CNTNAP5: variants seen among roughly 807,000 people sequenced by gnomAD.
The protein encoded by CNTNAP5 is contactin associated protein family member 5, also known as contactin-associated protein-like 5.
CNTNAP5 carries 72 observed loss-of-function variants against 150.2 expected under a neutral mutation model. The observed-to-expected ratio is 0.48, with a 90% CI of 0.40 to 0.58. The LOEUF (loss-of-function observed/expected upper bound fraction) is 0.58. CNTNAP5 is among the 20% of genes least tolerant of loss of function. CNTNAP5 has a pLI of 0.00. For missense variants in CNTNAP5, 1,636 were observed against 1,626.2 expected, an observed-to-expected ratio of 1.01 and a Z score of -0.10; for synonymous variants, 672 against 619.8, an observed-to-expected ratio of 1.08 and a Z score of -1.25.
chr2:124,185,670 T>C (rs968808583), intron 1 of CNTNAP5, among the ~76,000 whole-genome samples: 1 of 151,776 alleles, frequency 6.6e-6, no homozygotes, highest in Non-Finnish European at 1.5e-5. Context: ...GAAGAGCGTC[T>C]GTTTAAACTG....
intron 1 of CNTNAP5, among the ~76,000 whole-genome samples, chr2:124,082,953 T>C (rs779939589): frequency 9.2e-5 from 14 of 152,196 alleles, no homozygotes; most frequent in Non-Finnish European, 1.6e-4. Context: ...TGGTGAAATT[T>C]CTCTTTATGT....
intron 10 of CNTNAP5, among the ~76,000 whole-genome samples, chr2:124,538,271 G>A (rs950677907): frequency 6.6e-6 from 1 of 152,142 alleles, no homozygotes; most frequent in African/African-American, 2.4e-5. Flanking sequence ...TGGAGACCAG[G>A]AGTTTGAGAC....
At chr2:124,772,325 C>A (rs1055136342) in intron 16 of CNTNAP5, among the ~76,000 whole-genome samples, 1 of 152,166 alleles carries the variant, frequency 6.6e-6, no homozygotes, top group African/African-American at 2.4e-5. Context: ...GGCGATACAA[C>A]TTTCTGAGCT....
intron 3 of CNTNAP5, among the ~76,000 whole-genome samples, chr2:124,336,068 A>T (rs1471995369): frequency 1.3e-5 from 2 of 152,154 alleles, no homozygotes; most frequent in Non-Finnish European, 2.9e-5. Context: ...AACCTAGGCA[A>T]TTCTGAAGCG....
intron 19 of CNTNAP5, among the ~76,000 whole-genome samples, chr2:124,857,854 T>C (rs1677415469): frequency 6.6e-6 from 1 of 151,482 alleles, no homozygotes; most frequent in African/African-American, 2.4e-5. Context: ...AACAAAAACA[T>C]ATACACCCAA....
chr2:124,546,880 C>T (rs962355413), intron 10 of CNTNAP5, among the ~76,000 whole-genome samples: 5 of 152,144 alleles, frequency 3.3e-5, no homozygotes, highest in African/African-American at 1.2e-4. Flanking sequence ...ACTTGTCTTA[C>T]AAGATTGTTT....
chr2:124,616,963 G>A (rs896899937), intron 12 of CNTNAP5, among the ~76,000 whole-genome samples: 5 of 152,002 alleles, frequency 3.3e-5, no homozygotes, highest in African/African-American at 4.8e-5. Context: ...ACCACTGATC[G>A]CAGATCACCA....
chr2:124,350,960 A>G (rs549360573), intron 3 of CNTNAP5, among the ~76,000 whole-genome samples: 1 of 148,262 alleles, frequency 6.7e-6, no homozygotes, highest in Admixed American at 6.7e-5. Flanking sequence ...GCACATCATT[A>G]GAAATGTTTC....
intron 14 of CNTNAP5, among the ~76,000 whole-genome samples, chr2:124,756,294 G>A (rs2105156153): frequency 6.6e-6 from 1 of 152,274 alleles, no homozygotes; most frequent in South Asian, 2.1e-4. Context: ...TGGAGAAATA[G>A]GAACACGTTT....
At chr2:124,892,330 C>A (rs565912908) in intron 21 of CNTNAP5, among the ~76,000 whole-genome samples, 1 of 152,232 alleles carries the variant, frequency 6.6e-6, no homozygotes, top group Admixed American at 6.5e-5. Context: ...TTTCCAAGAA[C>A]TGATGACTCT....
At chr2:124,603,540 A>G (rs1246791657) in intron 11 of CNTNAP5, among the ~76,000 whole-genome samples, 1 of 152,196 alleles carries the variant, frequency 6.6e-6, no homozygotes, top group Non-Finnish European at 1.5e-5. Flanking sequence ...GCATTACTAA[A>G]GGATGATTTT....
chr2:124,826,051 C>T (rs1478635219), intron 19 of CNTNAP5, among the ~76,000 whole-genome samples: 1 of 151,762 alleles, frequency 6.6e-6, no homozygotes, highest in Non-Finnish European at 1.5e-5. Context: ...TTTTATATAA[C>T]AAACATAATT....
At chr2:124,444,116 G>T (rs1176680620) in intron 5 of CNTNAP5, among the ~76,000 whole-genome samples, 2 of 151,834 alleles carry the variant, frequency 1.3e-5, no homozygotes, top group African/African-American at 4.8e-5. Context: ...GGTGTTCTTT[G>T]TTCTATCTCC....
At chr2:124,656,302 G>T (rs762385251) in intron 13 of CNTNAP5, among the ~76,000 whole-genome samples, 1 of 152,176 alleles carries the variant, frequency 6.6e-6, no homozygotes, top group Non-Finnish European at 1.5e-5. Flanking sequence ...GTCTAAGTCA[G>T]TTATAATTCA....
rs3980963 is a variant in CNTNAP5, at chr2:124,541,179, A to AT, written c.1649+13740dup. Among the ~76,000 whole-genome samples the AT allele has an allele frequency of 3.3e-3, 274 of 83,066 alleles. 15 individuals are homozygous for AT. Among genetic ancestry groups the AT allele is most frequent in the Non-Finnish European group, 3.9e-3 (172 of 43,672 alleles). The allele number at this position is 83,066 out of a possible 152,430, so 54.5% of individuals were successfully genotyped here. On this transcript the variant is annotated intron_variant, in intron 10 of 23. Transcript: ENST00000682447. ...AGAGGATAAGAAGTACAAAATTCCG[A>AT]TTTTTTTTTTTTTTTTTGGTGAGAA...
chr2:124,616,438 G>A (rs888193552), intron 12 of CNTNAP5, among the ~76,000 whole-genome samples: 1 of 152,156 alleles, frequency 6.6e-6, no homozygotes, highest in Non-Finnish European at 1.5e-5. Flanking sequence ...AAGAGGGTTA[G>A]GGCCTTGCTC....
At chr2:124,586,172 G>A (rs1696532621) in intron 11 of CNTNAP5, among the ~76,000 whole-genome samples, 1 of 152,084 alleles carries the variant, frequency 6.6e-6, no homozygotes, top group African/African-American at 2.4e-5. Flanking sequence ...TCACTAGATG[G>A]CGATTTCAAT....
chr2:124,064,397 G>A (rs1049152405), intron 1 of CNTNAP5, among the ~76,000 whole-genome samples: 1 of 152,050 alleles, frequency 6.6e-6, no homozygotes, highest in African/African-American at 2.4e-5. Context: ...CATTAGCCAT[G>A]TCTAATCAAT....
chr2:124,691,517 G>A (rs1679300066), intron 13 of CNTNAP5, among the ~76,000 whole-genome samples: 3 of 151,984 alleles, frequency 2.0e-5, no homozygotes, highest in South Asian at 4.1e-4. Flanking sequence ...TTTCATTTAG[G>A]GATATCGTTT....
Sources: gnomAD v4.1 joint callset for allele counts (sites outside exome capture counted in the v4.1 genomes callset) on GRCh38, gnomAD v4.1.1 for gene constraint, MANE v1.5 for transcripts, NCBI Gene and HGNC (gene_info 2026-07-23, HGNC 2026-07-21) for gene names.